SH2D4B: variants seen among roughly 807,000 people sequenced by gnomAD.
SH2D4B encodes SH2 domain containing 4B, also known as SH2 domain-containing protein 4B.
Under a neutral mutation model 61.5 loss-of-function variants are expected in SH2D4B, and 45 were observed. The ratio of observed to expected loss-of-function variants is 0.73; its 90% CI spans 0.58 to 0.94. SH2D4B has a LOEUF of 0.94. SH2D4B is among the 40% of genes least tolerant of loss of function. SH2D4B has a pLI of 0.00. For missense variants in SH2D4B, 572 were observed against 574.2 expected, an observed-to-expected ratio of 1.00 and a Z score of 0.04; for synonymous variants, 224 against 220.4, an observed-to-expected ratio of 1.02 and a Z score of -0.14.
chr10:80,583,064 C>G (rs1045862704), intron 3 of SH2D4B, among the ~76,000 whole-genome samples: 7 of 152,158 alleles, frequency 4.6e-5, no homozygotes, highest in African/African-American at 1.7e-4. Flanking sequence ...TATGAATAGT[C>G]AGGGAACATC....
intron 4 of SH2D4B, among the ~76,000 whole-genome samples, chr10:80,600,256 G>A (rs1842436094): frequency 1.3e-5 from 2 of 152,182 alleles, no homozygotes; most frequent in African/African-American, 4.8e-5. Flanking sequence ...ATTATAGGAT[G>A]GTTCATTAAT....
chr10:80,552,853 C>T (rs12413288), intron 1 of SH2D4B, among the ~76,000 whole-genome samples: 4,564 of 152,164 alleles, frequency 0.03, 319 homozygotes, highest in East Asian at 0.29. Flanking sequence ...TAACCCTAGG[C>T]TTTAGGCATT....
chr10:80,613,703 A>G (rs7067994), intron 6 of SH2D4B, among the ~76,000 whole-genome samples: 83,111 of 152,094 alleles, frequency 0.55, 24,658 homozygotes, highest in African/African-American at 0.77. Context: ...TGGGAGGAGG[A>G]TACTCCCCAG....
intron 4 of SH2D4B, among the ~76,000 whole-genome samples, chr10:80,595,696 C>T (rs921689619): frequency 5.9e-5 from 9 of 152,166 alleles, no homozygotes; most frequent in African/African-American, 2.2e-4. Flanking sequence ...AGTCAAATCT[C>T]AGGCCCACTC....
chr10:80,572,979 TATATATA>T (rs1346775078), intron 3 of SH2D4B, among the ~76,000 whole-genome samples: 17 of 11,010 alleles, frequency 1.5e-3, no homozygotes, highest in East Asian at 3.6e-3. Flanking sequence ...TATATATATA[TATATATA>T]TTTTTTTTTT....
chr10:80,565,109 G>A (rs1483115142), intron 1 of SH2D4B, among the ~76,000 whole-genome samples: 1 of 152,192 alleles, frequency 6.6e-6, no homozygotes, highest in African/African-American at 2.4e-5. Context: ...TGGCCGCTGG[G>A]ATTGGCCAAG....
chr10:80,620,603 T>C (rs976080706), intron 6 of SH2D4B, among the ~76,000 whole-genome samples: 3 of 152,208 alleles, frequency 2.0e-5, no homozygotes, highest in Non-Finnish European at 2.9e-5. Context: ...GTACAAGCCT[T>C]GTGAATATGA....
rs879497301 is a variant in SH2D4B, at chr10:80,605,679, C to T, written c.860+1884C>T. On this transcript the variant is annotated intron_variant, in intron 5 of 7. Transcript: ENST00000646907. ...GATTATGGGTGCGTGCCATCACACCCGGCTAATTTTTGTATTTTTAGTAGA... is the reference window on the plus strand; with the variant it reads ...GATTATGGGTGCGTGCCATCACACCTGGCTAATTTTTGTATTTTTAGTAGA... Among the ~76,000 whole-genome samples the T allele has an allele frequency of 2.0e-5, 3 of 152,176 alleles. No homozygotes were observed. In the East Asian group the frequency reaches 5.8e-4, roughly 30 times the overall value.
At chr10:80,614,410 C>T (rs1327331436) in intron 6 of SH2D4B, among the ~76,000 whole-genome samples, 2 of 152,198 alleles carry the variant, frequency 1.3e-5, no homozygotes, top group Admixed American at 1.3e-4. Flanking sequence ...AGGACAGCAC[C>T]AAGCCATGAG....
chr10:80,611,124 G>A (rs995201739), intron 6 of SH2D4B, among the ~76,000 whole-genome samples: 5 of 135,278 alleles, frequency 3.7e-5, no homozygotes, highest in Non-Finnish European at 6.1e-5. Flanking sequence ...GCAGAGAGCC[G>A]AGATTGCAAC....
chr10:80,597,822 G>A (rs976496492), intron 4 of SH2D4B, among the ~76,000 whole-genome samples: 9 of 152,242 alleles, frequency 5.9e-5, no homozygotes, highest in Non-Finnish European at 1.3e-4. Context: ...TGTCATAGCA[G>A]AGGGAACTGT....
intron 6 of SH2D4B, among the ~76,000 whole-genome samples, chr10:80,614,792 C>T (rs1045973292): frequency 1.3e-5 from 2 of 152,194 alleles, no homozygotes; most frequent in Non-Finnish European, 2.9e-5. Flanking sequence ...AAAGGTTGGC[C>T]GGGGCCTGGG....
chr10:80,551,805 A>T (rs1233991614), intron 1 of SH2D4B, among the ~76,000 whole-genome samples: 1 of 152,110 alleles, frequency 6.6e-6, no homozygotes, highest in Non-Finnish European at 1.5e-5. Flanking sequence ...GCAGATGGGG[A>T]TGGGGTGGTG....
chr10:80,554,167 A>G (rs867927201), intron 1 of SH2D4B, among the ~76,000 whole-genome samples: 11 of 152,232 alleles, frequency 7.2e-5, no homozygotes, highest in Admixed American at 2.0e-4. Flanking sequence ...GCTTAGAACA[A>G]AAGGCATCTG....
intron 7 of SH2D4B, among the ~76,000 whole-genome samples, chr10:80,642,097 G>A (rs1329683126): frequency 6.6e-6 from 1 of 152,096 alleles, no homozygotes; most frequent in African/African-American, 2.4e-5. Context: ...ACATAAGTTG[G>A]GTAGTCTTTT....
intron 6 of SH2D4B, 139 bp downstream of exon 6, chr10:80,609,690 G>C: frequency 1.4e-6 from 2 of 1,394,960 alleles, no homozygotes; most frequent in Non-Finnish European, 2.0e-6. Context: ...CCCTCTCCCA[G>C]TGGGAGTCCA....
chr10:80,585,612 GC>G (rs1016768063), intron 3 of SH2D4B, among the ~76,000 whole-genome samples: 4 of 152,224 alleles, frequency 2.6e-5, no homozygotes, highest in Admixed American at 2.6e-4. Flanking sequence ...ACCGCGCCCA[GC>G]CAGGATGGCA....
chr10:80,607,958 AC>A (rs1842539578), intron 5 of SH2D4B, among the ~76,000 whole-genome samples: 2 of 152,146 alleles, frequency 1.3e-5, no homozygotes, highest in African/African-American at 4.8e-5. Context: ...GTGCAGTGGC[AC>A]GATCTCAGCT....
chr10:80,600,521 ATGTGTGTGTG>A (rs67885510), intron 4 of SH2D4B, among the ~76,000 whole-genome samples: 19 of 127,892 alleles, frequency 1.5e-4, no homozygotes, highest in Non-Finnish European at 2.5e-4. Flanking sequence ...GCAGAGTGGC[ATGTGTGTGTG>A]TGTGTGTGTG....
Sources: allele counts gnomAD v4.1 joint callset (sites outside exome capture counted in the v4.1 genomes callset), GRCh38; gene constraint gnomAD v4.1.1; transcripts MANE v1.5; gene names NCBI Gene and HGNC (gene_info 2026-07-23, HGNC 2026-07-21).